Variants in NEDD4 observed in about 807,000 individuals in gnomAD.
The protein encoded by NEDD4 is NEDD4 E3 ubiquitin protein ligase.
Under a neutral mutation model 144.9 loss-of-function variants are expected in NEDD4, and 99 were observed. The ratio of observed to expected loss-of-function variants is 0.68; its 90% CI spans 0.58 to 0.81. The LOEUF is 0.81. Among genes scored for constraint, NEDD4 ranks in the 30% least tolerant of loss-of-function variants. The pLI is 0.00. For missense variants in NEDD4, 985 were observed against 1,065.9 expected (o/e 0.92, Z 1.06); for synonymous variants, 318 against 350.6 (o/e 0.91, Z 1.04).
At chr15:55,904,719 C>T (rs2036029665) in intron 5 of NEDD4, among the ~76,000 whole-genome samples, 1 of 152,092 alleles carries the variant, frequency 6.6e-6, no homozygotes, top group East Asian at 1.9e-4. Flanking sequence ...TTAAGGAAAC[C>T]ACATTTTCTA....
At chr15:55,948,047 A>G (rs2037157367) in intron 4 of NEDD4, among the ~76,000 whole-genome samples, 1 of 152,198 alleles carries the variant, frequency 6.6e-6, no homozygotes, top group South Asian at 2.1e-4. Context: ...GTATACTTAG[A>G]AAACCCCACC....
intron 4 of NEDD4, among the ~76,000 whole-genome samples, chr15:55,936,791 T>A (rs9920184): frequency 6.8e-6 from 1 of 147,164 alleles, no homozygotes; most frequent in African/African-American, 2.5e-5. Context: ...TTGCTATTTC[T>A]TTTCTTTTTT....
intron 5 of NEDD4, among the ~76,000 whole-genome samples, chr15:55,889,214 C>G (rs1413627938): frequency 6.6e-6 from 1 of 152,138 alleles, no homozygotes; most frequent in Non-Finnish European, 1.5e-5. Flanking sequence ...AATCTCACTA[C>G]TAGGTATATG....
chr15:55,950,875 C>A (rs992534963), intron 4 of NEDD4, among the ~76,000 whole-genome samples: 4 of 152,140 alleles, frequency 2.6e-5, no homozygotes, highest in Non-Finnish European at 1.5e-5. Flanking sequence ...ACAGTAAGTA[C>A]TCTGATATTA....
chr15:55,955,834 G>T (rs57988710), intron 2 of NEDD4, among the ~76,000 whole-genome samples: 3,549 of 56,288 alleles, frequency 0.063, 104 homozygotes, highest in African/African-American at 0.15. Context: ...TTTTTTTTTT[G>T]AGGCAGGGTC....
intron 4 of NEDD4, among the ~76,000 whole-genome samples, chr15:55,943,961 C>T (rs1237327236): frequency 6.6e-6 from 1 of 152,230 alleles, no homozygotes; most frequent in South Asian, 2.1e-4. Context: ...ATCAGTGTGG[C>T]CTGGATGTGA....
chr15:55,879,912 C>A (rs1216080503), intron 5 of NEDD4, among the ~76,000 whole-genome samples: 1 of 151,886 alleles, frequency 6.6e-6, no homozygotes, highest in Non-Finnish European at 1.5e-5. Flanking sequence ...AATAGGCATT[C>A]CAGAAAGAAA....
rs1234677242 is a variant in NEDD4 at position 55,838,605 on chromosome 15, C to T, written c.2032-1G>A. 1 of 1,593,258 alleles carries T rather than the reference C, an allele frequency of 6.3e-7. No individual in the cohort carries two copies. The highest frequency in any genetic ancestry group is 8.6e-7 in the Non-Finnish European group (1 of 1,163,040). On this transcript the variant is annotated splice_acceptor_variant, in intron 21 of 28. Transcript: ENST00000435532. LOFTEE classifies it high-confidence loss of function. ...TTAGGGAATTGTAATATTCACTATC[C>T]TAGATGGGAAAAATTACATATTTAA...
chr15:55,846,459 A>G (rs955283416), intron 18 of NEDD4, among the ~76,000 whole-genome samples: 5 of 152,240 alleles, frequency 3.3e-5, no homozygotes, highest in African/African-American at 4.8e-5. Context: ...TGTAGTGAAC[A>G]TAACTGATAA....
intron 1 of NEDD4, among the ~76,000 whole-genome samples, chr15:55,983,303 T>TGCGCGCGCGCGCGTGCGTGCGC (rs111359928): frequency 6.6e-6 from 1 of 151,398 alleles, no homozygotes; most frequent in African/African-American, 2.4e-5. Context: ...TGTGTGTGCG[T>TGCGCGCGCGCGCGTGCGTGCGC]GCGCGCGCGT....
intron 5 of NEDD4, among the ~76,000 whole-genome samples, chr15:55,877,666 C>A (rs1944309048): frequency 6.6e-6 from 1 of 152,084 alleles, no homozygotes; most frequent in Non-Finnish European, 1.5e-5. Context: ...TGGTGCTTGC[C>A]AAATGTTGAC....
chr15:55,986,580 CTTTTTTTTTTT>C (rs58470215), intron 1 of NEDD4, among the ~76,000 whole-genome samples: 5 of 76,424 alleles, frequency 6.5e-5, no homozygotes, highest in South Asian at 6.6e-4. Flanking sequence ...CCTGTCCTTG[CTTTTTTTTTTT>C]TTTTTTTTTT....
intron 19 of NEDD4, among the ~76,000 whole-genome samples, chr15:55,841,178 A>T (rs4461012): frequency 0.93 from 141,102 of 152,308 alleles, 65,489 homozygotes; most frequent in East Asian, 0.96. Flanking sequence ...GTGATCCACC[A>T]GCCTTGGCCT....
intron 4 of NEDD4, among the ~76,000 whole-genome samples, chr15:55,928,587 G>A (rs1257465701): frequency 6.6e-6 from 1 of 152,094 alleles, no homozygotes; most frequent in Admixed American, 6.5e-5. Context: ...TTTCTGATTT[G>A]TACTTCTGAG....
chr15:55,888,781 C>G (rs1479129284), intron 5 of NEDD4, among the ~76,000 whole-genome samples: 1 of 152,030 alleles, frequency 6.6e-6, no homozygotes, highest in East Asian at 1.9e-4. Flanking sequence ...AATAGAGAAC[C>G]CAGAAACAAA....
At chr15:55,883,595 G>A (rs2035274746) in intron 5 of NEDD4, among the ~76,000 whole-genome samples, 1 of 151,966 alleles carries the variant, frequency 6.6e-6, no homozygotes, top group Non-Finnish European at 1.5e-5. Flanking sequence ...TGCTGTGCTG[G>A]CTTTAGGTTT....
intron 5 of NEDD4, among the ~76,000 whole-genome samples, chr15:55,902,844 G>T (rs186285409): frequency 4.6e-5 from 7 of 152,084 alleles, no homozygotes; most frequent in African/African-American, 1.7e-4. Context: ...GGAAATATTT[G>T]AGAGAAATTA....
intron 4 of NEDD4, among the ~76,000 whole-genome samples, chr15:55,948,942 G>C (rs1190885310): frequency 6.6e-6 from 1 of 152,060 alleles, no homozygotes; most frequent in Admixed American, 6.6e-5. Context: ...ACAAAAGCCA[G>C]AATTGACAAA....
chr15:55,828,663 A>C lies in NEDD4; in HGVS notation c.*1234T>G, dbSNP rs1277641960. ...GCACGCAGCATTCAATAAACGTTTGATGAATACATGTACATGGTCTTTATG... is the reference window on the plus strand; with the variant it reads ...GCACGCAGCATTCAATAAACGTTTGCTGAATACATGTACATGGTCTTTATG... On this transcript the variant is annotated 3_prime_UTR_variant, in exon 29 of 29. Coordinates refer to ENST00000435532, the MANE Select transcript of NEDD4 (RefSeq NM_006154.4). 1.3e-5 allele frequency: 2 copies of C among 152,640 alleles called. No homozygotes were observed. The highest frequency in any genetic ancestry group is 2.4e-5 in the African/African-American group (1 of 41,458). 9.5% of individuals were successfully genotyped at this position (152,640 alleles called of 1,614,324 possible).
Sources: allele counts gnomAD v4.1 joint callset (sites outside exome capture counted in the v4.1 genomes callset), GRCh38; gene constraint gnomAD v4.1.1; transcripts MANE v1.5; gene names NCBI Gene and HGNC (gene_info 2026-07-23, HGNC 2026-07-21).